Variants in SPAG16 observed in about 807,000 individuals in gnomAD.
SPAG16 encodes the protein sperm-associated antigen 16 protein.
In SPAG16, 86 loss-of-function variants were observed where a neutral mutation model predicts 80.4. The observed-to-expected ratio is 1.07, with a 90% CI of 0.90 to 1.28. SPAG16 has a LOEUF of 1.28. Among genes scored for constraint, SPAG16 ranks in the 50% most tolerant of loss-of-function variants. SPAG16 has a pLI of 0.00. For synonymous variants in SPAG16, 294 were observed against 265.9 expected, an observed-to-expected ratio of 1.11 and a Z score of -1.03; for missense variants, 870 against 765.3, an observed-to-expected ratio of 1.14 and a Z score of -1.61.
chr2:213,567,222 T>C (rs1309346701), intron 10 of SPAG16, among the ~76,000 whole-genome samples: 1 of 148,020 alleles, frequency 6.8e-6, no homozygotes, highest in African/African-American at 2.6e-5. Context: ...AAATTACTTG[T>C]TTGACATTGT....
At position 213,504,042 on chromosome 2, in the gene SPAG16, G is replaced by T. The variant is rs567495702; in HGVS notation, c.1070+13952G>T. ...TGCAGGGTCTGCGTGTCTTGTTCTC[G>T]TGGCTATCTTGTGAGTTATTGCTGG... On this transcript the variant is annotated intron_variant, in intron 10 of 15. Coordinates refer to ENST00000331683, the MANE Select transcript of SPAG16 (RefSeq NM_024532.5). 5.3e-5 allele frequency among the ~76,000 whole-genome samples: 8 copies of T among 152,266 alleles called. No homozygotes were observed. In the South Asian group the frequency reaches 1.7e-3, roughly 32 times the overall value.
intron 6 of SPAG16, among the ~76,000 whole-genome samples, chr2:213,349,900 C>G (rs2065229364): frequency 6.6e-6 from 1 of 152,098 alleles, no homozygotes; most frequent in African/African-American, 2.4e-5. Context: ...CTTGGGTGTG[C>G]ATTTCTCAAA....
At chr2:214,020,172 G>C (rs2047791780) in intron 13 of SPAG16, among the ~76,000 whole-genome samples, 1 of 152,074 alleles carries the variant, frequency 6.6e-6, no homozygotes, top group South Asian at 2.1e-4. Context: ...TCAGTGACAG[G>C]GTGAGAACGC....
chr2:213,680,779 C>G (rs2064338035), intron 10 of SPAG16, among the ~76,000 whole-genome samples: 1 of 152,112 alleles, frequency 6.6e-6, no homozygotes. Flanking sequence ...GGTCAGGGTG[C>G]AGCTTGGTTT....
chr2:214,286,944 C>G lies in SPAG16; in HGVS notation c.1721-123196C>G, dbSNP rs556020300. Among the ~76,000 whole-genome samples, 13 of 152,140 alleles carry G rather than the reference C, an allele frequency of 8.5e-5. No homozygotes were observed. The South Asian group carries it at 2.5e-3, about 29-fold the overall frequency. On this transcript the variant is annotated intron_variant, in intron 15 of 15. Transcript: ENST00000331683. ...TTGAATTGTAACTGCCATGAAAGACCTTTTCTAATTATTTTAAATTTACTG... is the reference window on the plus strand; with the variant it reads ...TTGAATTGTAACTGCCATGAAAGACGTTTTCTAATTATTTTAAATTTACTG...
At chr2:213,758,664 A>G (rs938875888) in intron 10 of SPAG16, among the ~76,000 whole-genome samples, 1 of 152,188 alleles carries the variant, frequency 6.6e-6, no homozygotes, top group African/African-American at 2.4e-5. Flanking sequence ...AAAAGAATTG[A>G]AAAAAGTAAA....
intron 13 of SPAG16, among the ~76,000 whole-genome samples, chr2:214,036,546 A>G (rs1391321770): frequency 1.3e-5 from 2 of 152,242 alleles, no homozygotes. Flanking sequence ...AACTAGCTAT[A>G]TTAAAAACAG....
At chr2:214,096,737 A>G (rs1376370939) in intron 13 of SPAG16, among the ~76,000 whole-genome samples, 2 of 152,072 alleles carry the variant, frequency 1.3e-5, no homozygotes, top group Admixed American at 6.6e-5. Flanking sequence ...TAATAAATGA[A>G]GCTAATTAGG....
chr2:214,012,453 G>A (rs753721556), intron 12 of SPAG16, among the ~76,000 whole-genome samples: 13 of 150,836 alleles, frequency 8.6e-5, no homozygotes, highest in Non-Finnish European at 1.3e-4. Flanking sequence ...ATGCCGCCAC[G>A]TCAGGCTAAT....
intron 15 of SPAG16, among the ~76,000 whole-genome samples, chr2:214,399,572 C>A (rs4673825): frequency 0.84 from 127,154 of 151,952 alleles, 53,253 homozygotes; most frequent in Middle Eastern, 0.88. Flanking sequence ...ATTAAGAGAA[C>A]AACTCCCAAA....
At chr2:214,401,827 T>C (rs1701724836) in intron 15 of SPAG16, among the ~76,000 whole-genome samples, 1 of 151,990 alleles carries the variant, frequency 6.6e-6, no homozygotes, top group South Asian at 2.1e-4. Context: ...TTCAAACCTA[T>C]AAGTGAATTT....
At chr2:214,084,616 T>C (rs966741266) in intron 13 of SPAG16, among the ~76,000 whole-genome samples, 7 of 152,194 alleles carry the variant, frequency 4.6e-5, no homozygotes, top group African/African-American at 1.4e-4. Context: ...TATATGGTTG[T>C]TGTCACTGCC....
chr2:213,808,939 C>A (rs1021003428), intron 10 of SPAG16, among the ~76,000 whole-genome samples: 1 of 152,112 alleles, frequency 6.6e-6, no homozygotes, highest in Non-Finnish European at 1.5e-5. Flanking sequence ...AAATGCACAT[C>A]ATAGATTAAT....
intron 9 of SPAG16, among the ~76,000 whole-genome samples, chr2:213,426,016 G>T (rs1005072196): frequency 2.0e-5 from 3 of 152,062 alleles, no homozygotes; most frequent in Non-Finnish European, 2.9e-5. Context: ...AATAGGATAG[G>T]TGAAAAATAT....
intron 10 of SPAG16, among the ~76,000 whole-genome samples, chr2:213,862,226 C>T (rs1475529425): frequency 2.0e-5 from 3 of 152,156 alleles, no homozygotes; most frequent in Non-Finnish European, 4.4e-5. Context: ...TATGCACAAT[C>T]ACCTAAACCA....
chr2:213,342,040 T>G (rs2064711669), intron 6 of SPAG16, among the ~76,000 whole-genome samples: 1 of 152,134 alleles, frequency 6.6e-6, no homozygotes, highest in South Asian at 2.1e-4. Context: ...ATTCTATGTG[T>G]TGTTAATTCT....
chr2:213,337,910 C>G (rs906167149), intron 5 of SPAG16, among the ~76,000 whole-genome samples: 7 of 151,922 alleles, frequency 4.6e-5, no homozygotes, highest in African/African-American at 1.7e-4. Context: ...AAGCAAAAGA[C>G]ACATAATCAT....
At chr2:213,703,817 C>G (rs768613024) in intron 10 of SPAG16, among the ~76,000 whole-genome samples, 1 of 152,188 alleles carries the variant, frequency 6.6e-6, no homozygotes, top group East Asian at 1.9e-4. Flanking sequence ...CTGAGGCTGT[C>G]TGCTGGGCTG....
intron 10 of SPAG16, among the ~76,000 whole-genome samples, chr2:213,706,522 A>G (rs1574885235): frequency 6.6e-6 from 1 of 152,206 alleles, no homozygotes; most frequent in Non-Finnish European, 1.5e-5. Context: ...CCCTAGTGGG[A>G]CACCATCACT....
Sources: gnomAD v4.1 joint callset for allele counts (sites outside exome capture counted in the v4.1 genomes callset) on GRCh38, gnomAD v4.1.1 for gene constraint, MANE v1.5 for transcripts, NCBI Gene and HGNC (gene_info 2026-07-23, HGNC 2026-07-21) for gene names.